The following SH2D3C variants were observed in gnomAD, a reference collection of about 807,000 sequenced individuals.
SH2D3C encodes the protein SH2 domain-containing protein 3C.
SH2D3C carries 25 observed loss-of-function variants against 75.2 expected under a neutral mutation model. That is an observed-to-expected ratio of 0.33 (90% CI 0.24 to 0.46). The LOEUF is 0.46. Ranked by LOEUF, SH2D3C falls within the 20% of genes least tolerant of loss-of-function variation. The pLI is 1.00. For synonymous variants in SH2D3C, 450 were observed against 473.7 expected (o/e 0.95, Z 0.65); for missense variants, 933 against 1,165.3 (o/e 0.80, Z 2.90).
chr9:127,759,280 A>G (rs1845469054), intron 3 of SH2D3C, among the ~76,000 whole-genome samples: 1 of 152,094 alleles, frequency 6.6e-6, no homozygotes, highest in African/African-American at 2.4e-5. Context: ...CAGTGGTGCT[A>G]TCTCCACTCA....
At chr9:127,766,459 C>T (rs909295942) in intron 2 of SH2D3C, among the ~76,000 whole-genome samples, 3 of 152,234 alleles carry the variant, frequency 2.0e-5, no homozygotes, top group African/African-American at 7.2e-5. Flanking sequence ...GTTTCCTGGC[C>T]CATGTGGGGC....
intron 7 of SH2D3C, among the ~76,000 whole-genome samples, chr9:127,744,222 C>G (rs1338195027): frequency 1.3e-5 from 2 of 151,994 alleles, no homozygotes; most frequent in Non-Finnish European, 2.9e-5. Context: ...AGGCGCCCAC[C>G]ACGACGCCTA....
chr9:127,739,169 T>C lies in SH2D3C; in HGVS notation c.2408-248A>G, dbSNP rs1844772922. On this transcript the variant is annotated intron_variant, in intron 11 of 11. Transcript: ENST00000314830. The surrounding 1 kb of genome is among the most constrained non-coding windows in gnomAD (Gnocchi z 4.3). ...GCAGATTTTTGGTGATTTTTTTTCT[T>C]TTTTCGTATTTTTCTGTTAAGTTCC... Among the ~76,000 whole-genome samples the C allele has an allele frequency of 6.6e-6, 1 of 152,070 alleles. No individual in the cohort carries two copies. Among genetic ancestry groups the C allele is most frequent in the African/African-American group, 2.4e-5 (1 of 41,306 alleles).
intron 2 of SH2D3C, among the ~76,000 whole-genome samples, chr9:127,773,357 G>A (rs916737625): frequency 6.6e-6 from 1 of 152,082 alleles, no homozygotes; most frequent in Non-Finnish European, 1.5e-5. Flanking sequence ...CTGGGTTTAG[G>A]ACCCATCCAG....
chr9:127,745,118 A>C lies in SH2D3C; in HGVS notation c.1265-19T>G. ...CGGGTTACTGCAGAAAGGTAGAGAG[A>C]GAGGCCCCGTTATAGCAGCTCCCCA... On this transcript the variant is annotated intron_variant, in intron 6 of 11. Coordinates refer to ENST00000314830, the MANE Select transcript of SH2D3C (RefSeq NM_170600.3). 1 of 1,479,322 alleles carries C rather than the reference A, an allele frequency of 6.8e-7. No individual in the cohort carries two copies. Among genetic ancestry groups the C allele is most frequent in the Non-Finnish European group, 8.9e-7 (1 of 1,118,834 alleles). 91.6% of individuals were successfully genotyped at this position (1,479,322 alleles called of 1,614,324 possible).
intron 3 of SH2D3C, chr9:127,755,435 T>C (rs1441404625): frequency 1.2e-5 from 3 of 258,700 alleles, no homozygotes; most frequent in African/African-American, 4.5e-5. Context: ...TCGGGCTGCC[T>C]GGAGCTGCGG....
At chr9:127,758,716 CA>C (rs1209479826) in intron 3 of SH2D3C, among the ~76,000 whole-genome samples, 1 of 152,238 alleles carries the variant, frequency 6.6e-6, no homozygotes, top group East Asian at 1.9e-4. Context: ...TCCTTTCTAG[CA>C]TTTCATACAT....
chr9:127,772,228 T>C (rs998499901), intron 2 of SH2D3C, among the ~76,000 whole-genome samples: 1 of 150,982 alleles, frequency 6.6e-6, no homozygotes, highest in South Asian at 2.1e-4. Context: ...CAATTACTTT[T>C]GCTCAGGTGG....
chr9:127,755,291 G>T lies in SH2D3C; in HGVS notation c.556-3991C>A, dbSNP rs886499643. On this transcript the variant is annotated intron_variant, in intron 3 of 11. Transcript: ENST00000314830. ...GGCGCGATTACCTCATCGCCTTGTCGGGGGAGGAGCGGGGAGGCGGGGCGG... is the reference window on the plus strand; with the variant it reads ...GGCGCGATTACCTCATCGCCTTGTCTGGGGAGGAGCGGGGAGGCGGGGCGG... The T allele has an allele frequency of 5.3e-6, 6 of 1,140,734 alleles. No individual in the cohort carries two copies. The African/African-American group carries it at 6.6e-5, about 12-fold the overall frequency. The allele number at this position is 1,140,734 out of a possible 1,614,324, so 70.7% of individuals were successfully genotyped here. A position where few individuals can be genotyped will look rare whatever the true frequency, so the allele number is the denominator to read the frequency against.
chr9:127,758,214 C>G lies in SH2D3C; in HGVS notation c.555+3397G>C, dbSNP rs1358208811. 2.0e-5 allele frequency among the ~76,000 whole-genome samples: 3 copies of G among 152,138 alleles called. No homozygotes were observed. In the East Asian group the frequency reaches 5.8e-4, roughly 29 times the overall value. On this transcript the variant is annotated intron_variant, in intron 3 of 11. Transcript: ENST00000314830. The stretch of plus-strand genomic sequence containing the variant: ...GTCTCAAACTCCTGGCCTTAAATGA[C>G]CCTCCTACTGTGGCCTCCCAGTTGC...
chr9:127,755,184 G>T, intron 3 of SH2D3C: 1 of 1,210,636 alleles, frequency 8.3e-7, no homozygotes. Flanking sequence ...GCCGGGGCCG[G>T]GACGGTGTGG....
intron 9 of SH2D3C, 78 bp from the exon 10 acceptor site, chr9:127,740,447 C>A: frequency 1.1e-6 from 1 of 946,826 alleles, no homozygotes. Flanking sequence ...TGAGTGGACA[C>A]CCAGATGTGG....
At chr9:127,766,885 G>T in intron 2 of SH2D3C, 1 of 1,502,546 alleles carries the variant, frequency 6.7e-7, no homozygotes, top group Non-Finnish European at 8.9e-7. Flanking sequence ...CTTCCTTCAC[G>T]CCCATCTTCA....
intron 5 of SH2D3C, 115 bp from the exon 6 acceptor site, chr9:127,747,386 T>G: frequency 9.8e-7 from 1 of 1,016,706 alleles, no homozygotes; most frequent in Non-Finnish European, 1.4e-6. Context: ...GCTTGGAGAT[T>G]ATCAAATCCA....
intron 4 of SH2D3C, among the ~76,000 whole-genome samples, chr9:127,750,795 G>A (rs906936305): frequency 1.3e-5 from 2 of 152,216 alleles, no homozygotes; most frequent in African/African-American, 4.8e-5. Context: ...CCAAAACTAA[G>A]TAGCCCAAAG....
chr9:127,771,426 CGCTCTCCGCCTCGAACACG>C, intron 2 of SH2D3C: 1 of 1,258,866 alleles, frequency 7.9e-7, no homozygotes, highest in East Asian at 3.1e-5. Flanking sequence ...CAGGGAAGGA[CGCTCTCCGCCTCGAACACG>C]GCCCTCCGCC....
chr9:127,747,011 T>C (rs1672419531), intron 6 of SH2D3C, 136 bp downstream of exon 6: 3 of 778,182 alleles, frequency 3.9e-6, no homozygotes, highest in Non-Finnish European at 6.3e-6. Context: ...GTTAGCAGGA[T>C]TCCAGTGTCA....
intron 2 of SH2D3C, chr9:127,767,043 C>G (rs1055508965): frequency 1.3e-5 from 20 of 1,536,094 alleles, no homozygotes; most frequent in Admixed American, 2.0e-5. Context: ...CGGGAAGGCT[C>G]TTGGCTTTGG....
intron 3 of SH2D3C, among the ~76,000 whole-genome samples, chr9:127,761,201 T>G (rs1466321692): frequency 1.3e-5 from 2 of 152,210 alleles, no homozygotes; most frequent in Non-Finnish European, 2.9e-5. Flanking sequence ...AAATCTGAGC[T>G]GTGCCCATTA....
Sources: gnomAD v4.1 joint callset for allele counts (sites outside exome capture counted in the v4.1 genomes callset) on GRCh38, gnomAD v4.1.1 for gene constraint, Gnocchi (gnomAD v3.1) non-coding constraint, MANE v1.5 for transcripts, NCBI Gene and HGNC (gene_info 2026-07-23, HGNC 2026-07-21) for gene names.